The following ADAMTS17 variants were observed in gnomAD, a reference collection of about 807,000 sequenced individuals.
ADAMTS17 encodes the protein A disintegrin and metalloproteinase with thrombospondin motifs 17.
Under a neutral mutation model 141.5 loss-of-function variants are expected in ADAMTS17, and 113 were observed. That is an observed-to-expected ratio of 0.80 (90% confidence interval 0.69 to 0.93). ADAMTS17 has a LOEUF of 0.93. ADAMTS17 is among the 40% of genes least tolerant of loss of function. The pLI, the probability that ADAMTS17 is intolerant of heterozygous loss-of-function variation, is 0.00. For missense variants in ADAMTS17, 1,659 were observed against 1,517.9 expected, an observed-to-expected ratio of 1.09 and a Z score of -1.54; for synonymous variants, 768 against 630.6, an observed-to-expected ratio of 1.22 and a Z score of -3.27.
chr15:100,287,468 A>G (rs1256250099), intron 3 of ADAMTS17, among the ~76,000 whole-genome samples: 1 of 152,220 alleles, frequency 6.6e-6, no homozygotes. Context: ...ATATTTGAGG[A>G]TATCATCCAT....
At chr15:100,247,628 A>G (rs900313903) in intron 7 of ADAMTS17, among the ~76,000 whole-genome samples, 12 of 152,164 alleles carry the variant, frequency 7.9e-5, no homozygotes, top group Admixed American at 2.6e-4. Context: ...TTATGCATAA[A>G]AAGTGGCATT....
intron 3 of ADAMTS17, among the ~76,000 whole-genome samples, chr15:100,296,605 ATG>A (rs764662958): frequency 1.4e-3 from 193 of 140,010 alleles, no homozygotes; most frequent in Middle Eastern, 3.6e-3. Context: ...GTGTGTGTGT[ATG>A]TGTGTGTGTG....
At chr15:100,165,408 G>A (rs2039909627) in intron 8 of ADAMTS17, among the ~76,000 whole-genome samples, 1 of 152,254 alleles carries the variant, frequency 6.6e-6, no homozygotes, top group Middle Eastern at 3.4e-3. Flanking sequence ...TGCCTCCTGG[G>A]CATGCCATGG....
intron 14 of ADAMTS17, among the ~76,000 whole-genome samples, chr15:100,100,360 C>T (rs1398848393): frequency 6.6e-6 from 1 of 152,168 alleles, no homozygotes; most frequent in Admixed American, 6.5e-5. Context: ...CTCCTTATTT[C>T]AGCCATCATC....
rs145572046 is a variant in ADAMTS17 at position 100,247,909 on chromosome 15, C to T, written c.1075+6227G>A. The stretch of plus-strand genomic sequence containing the variant: ...CCCACCCGCACTTCCTCCACCCACA[C>T]GCTCTTCCTCACACCGGAAGGGCAG... On this transcript the variant is annotated intron_variant, in intron 7 of 21. Coordinates refer to ENST00000268070, the MANE Select transcript of ADAMTS17 (RefSeq NM_139057.4). 1.6e-3 allele frequency among the ~76,000 whole-genome samples: 238 copies of T among 152,284 alleles called. 2 individuals are homozygous for T. The highest frequency in any genetic ancestry group is 5.0e-3 in the African/African-American group (206 of 41,556).
At chr15:100,141,883 C>T (rs934642529) in intron 10 of ADAMTS17, among the ~76,000 whole-genome samples, 1 of 152,232 alleles carries the variant, frequency 6.6e-6, no homozygotes, top group Non-Finnish European at 1.5e-5. Context: ...ACAGGCAGGA[C>T]AGCTTTCAGC....
Position 99,992,980 on chromosome 15 carries a change from G to A in ADAMTS17, c.2949+68C>T. On this transcript the variant is annotated intron_variant, in intron 20 of 21. Transcript: ENST00000268070. ...CGTAGAATTGGGACCCGTCACAAGA[G>A]CTGAGTTCCCGACCCTCGAGCCCCC... is the stretch of plus-strand genomic sequence containing the variant. 2.5e-6 allele frequency: 4 copies of A among 1,599,376 alleles called. 1 individual carries two copies. The South Asian group carries it at 3.3e-5, about 13-fold the overall frequency.
intron 8 of ADAMTS17, among the ~76,000 whole-genome samples, chr15:100,191,709 T>C (rs566953333): frequency 1.3e-5 from 2 of 152,328 alleles, no homozygotes; most frequent in East Asian, 1.9e-4. Context: ...CTCTGGTCAC[T>C]GCGGGGGCAC....
intron 3 of ADAMTS17, among the ~76,000 whole-genome samples, chr15:100,302,305 C>T (rs889312762): frequency 5.9e-5 from 9 of 152,110 alleles, no homozygotes; most frequent in Admixed American, 4.6e-4. Context: ...TTATTTAATT[C>T]GCAAATTGAC....
intron 4 of ADAMTS17, among the ~76,000 whole-genome samples, chr15:100,278,271 G>T (rs1157528937): frequency 1.3e-5 from 2 of 151,312 alleles, no homozygotes; most frequent in African/African-American, 2.4e-5. Flanking sequence ...CCACTGAGCT[G>T]GTCCACATAA....
rs552346979 is a variant in ADAMTS17, at chr15:100,156,618, G to T, written c.1182-1298C>A. ...ACACTTGTTATTTCAATTCATACAT[G>T]TGGCTACATGTTGGGTTAACCAACG... On this transcript the variant is annotated intron_variant, in intron 8 of 21. Transcript: ENST00000268070. Among the ~76,000 whole-genome samples, 5 of 152,242 alleles carry T rather than the reference G, an allele frequency of 3.3e-5. No individual in the cohort carries two copies. In the East Asian group the frequency reaches 7.7e-4, roughly 24 times the overall value.
chr15:100,266,228 C>CAATTTGT (rs2043711658), intron 4 of ADAMTS17, among the ~76,000 whole-genome samples: 1 of 152,314 alleles, frequency 6.6e-6, no homozygotes, highest in African/African-American at 2.4e-5. Context: ...CTTCCGTCTG[C>CAATTTGT]AATTTGTTCT....
At chr15:100,114,407 T>G (rs2036983767) in intron 13 of ADAMTS17, among the ~76,000 whole-genome samples, 1 of 152,318 alleles carries the variant, frequency 6.6e-6, no homozygotes, top group Non-Finnish European at 1.5e-5. Context: ...CGTATTCCCC[T>G]CCTGCCTTCT....
At chr15:100,074,348 A>G (rs953382200) in intron 15 of ADAMTS17, among the ~76,000 whole-genome samples, 4 of 152,216 alleles carry the variant, frequency 2.6e-5, no homozygotes, top group Admixed American at 1.3e-4. Context: ...TAGAGTGTAT[A>G]ATAACATCTC....
At chr15:100,206,766 C>G (rs1045604817) in intron 7 of ADAMTS17, among the ~76,000 whole-genome samples, 1 of 152,218 alleles carries the variant, frequency 6.6e-6, no homozygotes, top group African/African-American at 2.4e-5. Context: ...TGGATCGAAT[C>G]TCCCTTCAGA....
intron 19 of ADAMTS17, among the ~76,000 whole-genome samples, chr15:99,996,119 A>G (rs1033807676): frequency 6.6e-6 from 1 of 151,412 alleles, no homozygotes; most frequent in East Asian, 1.9e-4. Context: ...CAATGGCGCA[A>G]TCTCGGCTCA....
chr15:100,229,278 C>G (rs1202968217), intron 7 of ADAMTS17, among the ~76,000 whole-genome samples: 1 of 151,760 alleles, frequency 6.6e-6, no homozygotes, highest in Non-Finnish European at 1.5e-5. Context: ...GGTAGCTCTC[C>G]CCACCCCCTC....
chr15:100,024,063 G>A (rs1156650503), intron 18 of ADAMTS17, among the ~76,000 whole-genome samples: 1 of 151,606 alleles, frequency 6.6e-6, no homozygotes, highest in African/African-American at 2.4e-5. Flanking sequence ...CAATTCCTAT[G>A]CAATCAAAAA....
intron 18 of ADAMTS17, among the ~76,000 whole-genome samples, chr15:100,038,544 TTC>T (rs1291763761): frequency 1.3e-5 from 2 of 152,234 alleles, no homozygotes; most frequent in Non-Finnish European, 1.5e-5. Flanking sequence ...TGTTTTAAAA[TTC>T]TTTTATTAAA....
Sources: allele counts gnomAD v4.1 joint callset (sites outside exome capture counted in the v4.1 genomes callset), GRCh38; gene constraint gnomAD v4.1.1; transcripts MANE v1.5; gene names NCBI Gene and HGNC (gene_info 2026-07-23, HGNC 2026-07-21).